MTUS2: variants seen among roughly 807,000 people sequenced by gnomAD.
MTUS2 encodes microtubule associated scaffold protein 2, also known as microtubule-associated tumor suppressor candidate 2.
MTUS2 carries 40 observed loss-of-function variants against 114.1 expected under a neutral mutation model. That is an observed-to-expected ratio of 0.35 (90% confidence interval 0.27 to 0.46). The LOEUF (loss-of-function observed/expected upper bound fraction) is 0.46. Among genes scored for constraint, MTUS2 ranks in the 20% least tolerant of loss-of-function variants. The pLI is 1.00. For synonymous variants in MTUS2, 688 were observed against 672.0 expected (o/e 1.02, Z -0.37); for missense variants, 1,679 against 1,705.4 (o/e 0.98, Z 0.27).
chr13:29,308,032 C>A (rs776911454), intron 6 of MTUS2, among the ~76,000 whole-genome samples: 2 of 152,180 alleles, frequency 1.3e-5, no homozygotes, highest in Admixed American at 6.5e-5. Context: ...AGATTCAATG[C>A]TATCCCATTA....
intron 2 of MTUS2, among the ~76,000 whole-genome samples, chr13:28,863,529 G>A (rs990283185): frequency 1.3e-5 from 2 of 152,108 alleles, no homozygotes; most frequent in Admixed American, 6.5e-5. Context: ...CCTTGCCTGC[G>A]AGTGAGCTTT....
chr13:29,276,141 A>T (rs1242322932), intron 5 of MTUS2, among the ~76,000 whole-genome samples: 1 of 152,186 alleles, frequency 6.6e-6, no homozygotes, highest in African/African-American at 2.4e-5. Flanking sequence ...CAGGGTGTCC[A>T]CACACTGTGA....
At chr13:29,207,232 G>T (rs1332480033) in intron 5 of MTUS2, among the ~76,000 whole-genome samples, 1 of 152,152 alleles carries the variant, frequency 6.6e-6, no homozygotes. Flanking sequence ...CAGCTTGGTT[G>T]CTGTTGGTGT....
chr13:29,457,649 T>G (rs2138773297), intron 9 of MTUS2, among the ~76,000 whole-genome samples: 1 of 152,270 alleles, frequency 6.6e-6, no homozygotes, highest in Non-Finnish European at 1.5e-5. Flanking sequence ...CTCATTTCTC[T>G]CAGGTAAATC....
chr13:29,179,393 A>G (rs1893904824), intron 5 of MTUS2, among the ~76,000 whole-genome samples: 1 of 152,244 alleles, frequency 6.6e-6, no homozygotes, highest in South Asian at 2.1e-4. Context: ...TTAAGATTTT[A>G]GGAGATCAAT....
chr13:29,183,004 C>G (rs534297056), intron 5 of MTUS2, among the ~76,000 whole-genome samples: 59 of 152,242 alleles, frequency 3.9e-4, no homozygotes, highest in African/African-American at 1.3e-3. Context: ...ACCGAAGGCC[C>G]TTTGGCCTTA....
intron 2 of MTUS2, among the ~76,000 whole-genome samples, chr13:28,877,297 G>A (rs1878002735): frequency 1.4e-5 from 2 of 145,540 alleles, no homozygotes; most frequent in African/African-American, 2.5e-5. Context: ...CAGCCTGGGC[G>A]ACAGACTGAG....
intron 5 of MTUS2, among the ~76,000 whole-genome samples, chr13:29,199,311 A>G (rs113167482): frequency 3.9e-5 from 6 of 152,116 alleles, no homozygotes; most frequent in Non-Finnish European, 5.9e-5. Flanking sequence ...ATTCAGTGTG[A>G]TATTGGTTGT....
At chr13:29,060,127 G>C (rs1018244058) in intron 4 of MTUS2, among the ~76,000 whole-genome samples, 7 of 152,214 alleles carry the variant, frequency 4.6e-5, no homozygotes, top group Non-Finnish European at 1.0e-4. Flanking sequence ...TGTCTAGCAA[G>C]GGGGTGCAGC....
intron 5 of MTUS2, among the ~76,000 whole-genome samples, chr13:29,114,167 TA>T (rs1566015697): frequency 6.6e-6 from 1 of 151,990 alleles, no homozygotes; most frequent in East Asian, 1.9e-4. Flanking sequence ...TTTTTTTTTT[TA>T]AATAAATTAC....
In MTUS2 at chr13:29,354,240, A is replaced by ATTTTTT. The variant is rs5802516; in HGVS notation, c.2906-5008_2906-5003dup. On this transcript the variant is annotated intron_variant, in intron 7 of 15. Transcript: ENST00000612955. The stretch of plus-strand genomic sequence containing the variant: ...AACCATTGTCTTGTATATTTTGGGC[A>ATTTTTT]TTTTTTTTTTTTTTTTTTTGCTGGT... Among the ~76,000 whole-genome samples, 353 of 120,358 alleles carry ATTTTTT rather than the reference A, an allele frequency of 2.9e-3. 3 individuals carry two copies. The highest frequency in any genetic ancestry group is 0.011 in the African/African-American group (336 of 31,798). 79.0% of individuals were successfully genotyped at this position (120,358 alleles called of 152,430 possible).
chr13:29,398,236 G>C (rs961000314), intron 8 of MTUS2, among the ~76,000 whole-genome samples: 2 of 152,142 alleles, frequency 1.3e-5, no homozygotes, highest in African/African-American at 4.8e-5. Flanking sequence ...TGAGGCGGGT[G>C]GACCACCTGA....
At chr13:29,338,529 G>T (rs913934456) in intron 7 of MTUS2, among the ~76,000 whole-genome samples, 3 of 152,188 alleles carry the variant, frequency 2.0e-5, no homozygotes, top group African/African-American at 7.2e-5. Context: ...GGCGGAGGTT[G>T]CAGTGAGCTG....
intron 4 of MTUS2, among the ~76,000 whole-genome samples, chr13:29,038,428 G>A (rs1274381880): frequency 6.6e-6 from 1 of 152,190 alleles, no homozygotes; most frequent in Non-Finnish European, 1.5e-5. Context: ...GTCCCAGAGG[G>A]TCACCCTCCA....
rs1177840486 is a variant in MTUS2, at chr13:29,293,157, C to CT, written c.2806+11292_2806+11293insT. On this transcript the variant is annotated intron_variant, in intron 6 of 15. Transcript: ENST00000612955. ...ATTTAAAACTTTCTACAATGAAAGA[C>CT]ATCATAGAGTTGAGGAAGATGATAA... Among the ~76,000 whole-genome samples the CT allele has an allele frequency of 5.3e-5, 8 of 152,110 alleles. No individual in the cohort carries two copies. The East Asian group carries it at 1.5e-3, about 29-fold the overall frequency.
chr13:29,032,171 G>A (rs1287977036), intron 3 of MTUS2, among the ~76,000 whole-genome samples: 1 of 152,036 alleles, frequency 6.6e-6, no homozygotes, highest in Non-Finnish European at 1.5e-5. Context: ...GCACAGACTA[G>A]ACATCAAAGG....
At chr13:28,970,562 T>G (rs1464390765) in intron 2 of MTUS2, among the ~76,000 whole-genome samples, 3 of 152,250 alleles carry the variant, frequency 2.0e-5, no homozygotes, top group Non-Finnish European at 2.9e-5. Context: ...AGAAAAAGTT[T>G]GCATCCTTCT....
chr13:29,225,458 C>G (rs1896070714), intron 5 of MTUS2, among the ~76,000 whole-genome samples: 1 of 152,196 alleles, frequency 6.6e-6, no homozygotes, highest in African/African-American at 2.4e-5. Flanking sequence ...CAACCCCCTG[C>G]TTCTGTCTCT....
Position 29,025,628 on chromosome 13 carries a change from G to A in MTUS2, c.930G>A (p.Leu310=), listed in dbSNP as rs1481085759. The change falls in exon 3 of 16, where the codon CTG becomes CTA. Residue 310 remains leucine (L), a synonymous_variant. Coordinates refer to ENST00000612955, the MANE Select transcript of MTUS2 (RefSeq NM_001033602.4). ...QLGQGKGEAK[L]DLKYVPPRRV... is the part of the protein sequence containing the mutation. The stretch of plus-strand genomic sequence containing the variant: ...GTCAGGGAAAGGGAGAGGCCAAGCT[G>A]GATCTGAAATATGTTCCTCCCAGGA... 6.2e-7 allele frequency: 1 copy of A among 1,614,032 alleles called. No homozygotes were observed. Among genetic ancestry groups the A allele is most frequent in the African/African-American group, 1.3e-5 (1 of 75,062 alleles).
Sources: allele counts gnomAD v4.1 joint callset (sites outside exome capture counted in the v4.1 genomes callset), GRCh38; gene constraint gnomAD v4.1.1; transcripts MANE v1.5; gene names NCBI Gene and HGNC (gene_info 2026-07-23, HGNC 2026-07-21).